Variants in ASH1L observed in about 807,000 individuals in gnomAD.
ASH1L encodes the protein histone-lysine N-methyltransferase ASH1L.
Under a neutral mutation model 269.0 loss-of-function variants are expected in ASH1L, and 23 were observed. The ratio of observed to expected loss-of-function variants is 0.09; its 90% CI spans 0.06 to 0.12. The LOEUF is 0.12. Ranked by LOEUF, ASH1L falls within the 10% of genes least tolerant of loss-of-function variation. The pLI is 1.00. For missense variants in ASH1L, 2,912 were observed against 3,567.8 expected (o/e 0.82, Z 4.68); for synonymous variants, 1,187 against 1,253.5 (o/e 0.95, Z 1.12).
chr1:155,401,644 C>T (rs1035814147), intron 6 of ASH1L, among the ~76,000 whole-genome samples: 12 of 151,530 alleles, frequency 7.9e-5, no homozygotes, highest in South Asian at 6.3e-4. Flanking sequence ...AAAAATTAGC[C>T]GGGAGTGGTG....
intron 1 of ASH1L, among the ~76,000 whole-genome samples, chr1:155,557,867 A>C (rs1389987792): frequency 6.6e-6 from 1 of 152,252 alleles, no homozygotes; most frequent in Non-Finnish European, 1.5e-5. Context: ...CCAGGTTTAA[A>C]ATACTACATG....
chr1:155,526,562 C>G (rs765276288), intron 1 of ASH1L, among the ~76,000 whole-genome samples: 12 of 152,156 alleles, frequency 7.9e-5, no homozygotes, highest in Non-Finnish European at 1.5e-4. Flanking sequence ...ATACACTTCC[C>G]TAATCTATTC....
intron 1 of ASH1L, among the ~76,000 whole-genome samples, chr1:155,529,541 T>C (rs772877697): frequency 3.0e-4 from 46 of 152,156 alleles, no homozygotes; most frequent in Non-Finnish European, 6.3e-4. Context: ...TCATTTTTTT[T>C]CTCATAGATT....
At chr1:155,449,519 G>GT (rs1558118992) in intron 4 of ASH1L, among the ~76,000 whole-genome samples, 3 of 148,700 alleles carry the variant, frequency 2.0e-5, no homozygotes, top group Non-Finnish European at 4.5e-5. Context: ...GAAAAATGTG[G>GT]TTGTTTTTTT....
At chr1:155,510,218 A>G (rs1394977951) in intron 2 of ASH1L, among the ~76,000 whole-genome samples, 1 of 151,968 alleles carries the variant, frequency 6.6e-6, no homozygotes, top group African/African-American at 2.4e-5. Flanking sequence ...GTTCGAGACC[A>G]GCCTGACCAA....
intron 10 of ASH1L, among the ~76,000 whole-genome samples, chr1:155,371,626 C>A (rs1373118456): frequency 6.6e-6 from 1 of 151,322 alleles, no homozygotes; most frequent in Non-Finnish European, 1.5e-5. Context: ...TTTCACTGTA[C>A]TCTTATTTTG....
intron 3 of ASH1L, among the ~76,000 whole-genome samples, chr1:155,464,347 C>T (rs1664520893): frequency 6.6e-6 from 1 of 152,084 alleles, no homozygotes; most frequent in African/African-American, 2.4e-5. Context: ...TACTATAAAG[C>T]AGAATAAGTA....
rs181395190 is a variant in ASH1L at position 155,345,520 on chromosome 1, G to A, written c.7890+863C>T. On this transcript the variant is annotated intron_variant, in intron 21 of 27. Coordinates refer to ENST00000392403, the MANE Select transcript of ASH1L (RefSeq NM_018489.3). ...TATCTCTTGACCTTGTGATCTGCCC[G>A]CCTCGGCCTCCCAAAGTGCTGGGAT... 1.1e-4 allele frequency among the ~76,000 whole-genome samples: 16 copies of A among 149,116 alleles called. No individual in the cohort carries two copies. In the East Asian group the frequency reaches 2.2e-3, roughly 20 times the overall value.
chr1:155,397,849 C>T (rs867240612), intron 6 of ASH1L, among the ~76,000 whole-genome samples: 2 of 152,136 alleles, frequency 1.3e-5, no homozygotes, highest in Non-Finnish European at 2.9e-5. Context: ...GCGTGAGCCA[C>T]GGCACCTGGC....
At position 155,544,290 on chromosome 1, in the gene ASH1L, CT is replaced by C. The variant is rs34917347; in HGVS notation, c.-100+17862del. On this transcript the variant is annotated intron_variant, in intron 1 of 27. Coordinates refer to ENST00000392403, the MANE Select transcript of ASH1L (RefSeq NM_018489.3). ...CTATAACCTATGGTGGAGAAACCCC[CT>C]TTTTTTTTTTTTTGAGATATAGTCT... Among the ~76,000 whole-genome samples, 751 of 143,560 alleles carry C rather than the reference CT, an allele frequency of 5.2e-3. 7 individuals carry two copies. Among genetic ancestry groups the C allele is most frequent in the East Asian group, 0.018 (91 of 4,982 alleles). 94.2% of individuals were successfully genotyped at this position (143,560 alleles called of 152,430 possible).
intron 12 of ASH1L, among the ~76,000 whole-genome samples, chr1:155,361,518 C>CAAAAAAAAAA (rs1161207568): frequency 1.4e-4 from 5 of 36,400 alleles, no homozygotes; most frequent in African/African-American, 5.2e-4. Flanking sequence ...CTCCATCTCA[C>CAAAAAAAAAA]AAAAAAAAAA....
intron 1 of ASH1L, among the ~76,000 whole-genome samples, chr1:155,546,413 C>T (rs1012382310): frequency 4.0e-5 from 6 of 151,886 alleles, no homozygotes; most frequent in African/African-American, 1.5e-4. Flanking sequence ...TAAAGATTTG[C>T]TTATATCGTC....
At chr1:155,366,989 GTT>G (rs896488958) in intron 12 of ASH1L, among the ~76,000 whole-genome samples, 5 of 124,186 alleles carry the variant, frequency 4.0e-5, no homozygotes, top group Admixed American at 1.8e-4. Context: ...AATGGGTTTG[GTT>G]TTTTTTTTTT....
In ASH1L at chr1:155,336,368, CACATATATATATACACACACAT is replaced by C. The variant is rs1182401293; in HGVS notation, c.*1270_*1291del. On this transcript the variant is annotated 3_prime_UTR_variant, in exon 28 of 28. Transcript: ENST00000392403. Reference sequence around the variant, plus strand: ...GTGTGTGTGTATATATATACACACACACATATATATATACACACACATACACACATATATATACACACACACA... The same window carrying C: ...GTGTGTGTGTATATATATACACACACACACACATATATATACACACACACA... The C allele has an allele frequency of 6.6e-6, 1 of 150,428 alleles. No individual in the cohort carries two copies. Among genetic ancestry groups the C allele is most frequent in the Non-Finnish European group, 1.5e-5 (1 of 67,360 alleles). The allele number at this position is 150,428 out of a possible 1,614,324, so 9.3% of individuals were successfully genotyped here. A position where few individuals can be genotyped will look rare whatever the true frequency, so the allele number is the denominator to read the frequency against.
intron 7 of ASH1L, among the ~76,000 whole-genome samples, chr1:155,386,916 A>G (rs370571646): frequency 6.6e-6 from 1 of 151,216 alleles, no homozygotes; most frequent in Non-Finnish European, 1.5e-5. Flanking sequence ...GCCTGTGCCT[A>G]TGTCCTGAAT....
rs1671607965 is a variant in ASH1L at position 155,556,590 on chromosome 1, A to C, written c.-100+5563T>G. Among the ~76,000 whole-genome samples the C allele has an allele frequency of 3.3e-5, 5 of 151,970 alleles. No homozygotes were observed. In the South Asian group the frequency reaches 1.0e-3, roughly 32 times the overall value. Reference sequence around the variant, plus strand: ...CTCCCGAGTAGCTGGGACTACAGGCACATGCCACCTGCGCCTAATTTTTTA... The same window carrying C: ...CTCCCGAGTAGCTGGGACTACAGGCCCATGCCACCTGCGCCTAATTTTTTA... On this transcript the variant is annotated intron_variant, in intron 1 of 27. Transcript: ENST00000392403.
intron 7 of ASH1L, among the ~76,000 whole-genome samples, chr1:155,393,405 A>C (rs1352128190): frequency 1.3e-5 from 2 of 152,198 alleles, no homozygotes; most frequent in South Asian, 2.1e-4. Context: ...AAAACACTAC[A>C]AGACATAGGA....
chr1:155,458,199 C>T (rs1433235143), intron 4 of ASH1L, among the ~76,000 whole-genome samples: 1 of 152,120 alleles, frequency 6.6e-6, no homozygotes. Context: ...CACTTGCTGC[C>T]AAGCAGACAA....
chr1:155,512,533 C>A (rs1558181164), intron 2 of ASH1L, among the ~76,000 whole-genome samples: 1 of 134,914 alleles, frequency 7.4e-6, no homozygotes, highest in Non-Finnish European at 1.6e-5. Context: ...CTCACTGCAA[C>A]CTCCACCTCC....
Sources: gnomAD v4.1 joint callset for allele counts (sites outside exome capture counted in the v4.1 genomes callset) on GRCh38, gnomAD v4.1.1 for gene constraint, MANE v1.5 for transcripts, NCBI Gene and HGNC (gene_info 2026-07-23, HGNC 2026-07-21) for gene names.